Variants in SAMD4B observed in about 807,000 individuals in gnomAD.
The protein encoded by SAMD4B is sterile alpha motif domain containing 4B, also known as protein Smaug homolog 2.
In SAMD4B, 5 loss-of-function variants were observed where a neutral mutation model predicts 74.5. The ratio of observed to expected loss-of-function variants is 0.07; its 90% CI spans 0.04 to 0.14. SAMD4B has a LOEUF of 0.14. Among genes scored for constraint, SAMD4B ranks in the 10% least tolerant of loss-of-function variants. SAMD4B has a pLI of 1.00. For missense variants in SAMD4B, 608 were observed against 921.8 expected, an observed-to-expected ratio of 0.66 and a Z score of 4.41; for synonymous variants, 373 against 374.9, an observed-to-expected ratio of 1.00 and a Z score of 0.06.
downstream of SAMD4B, chr19:39,388,897 G>C: frequency 6.2e-7 from 1 of 1,611,312 alleles, no homozygotes; most frequent in Non-Finnish European, 8.5e-7. Flanking sequence ...GGTTAGATGG[G>C]AACAGGCACA....
chr19:39,372,855 A>G (rs2077388379), intron 4 of SAMD4B, among the ~76,000 whole-genome samples: 1 of 152,118 alleles, frequency 6.6e-6, no homozygotes, highest in Non-Finnish European at 1.5e-5. Context: ...AGAGTGTGCC[A>G]TGTTCCCCAA....
intron 3 of SAMD4B, among the ~76,000 whole-genome samples, chr19:39,358,571 A>G (rs1451536143): frequency 6.6e-5 from 10 of 151,754 alleles, no homozygotes; most frequent in Admixed American, 5.3e-4. Context: ...CTTAAATTCA[A>G]CATGATATCC....
intron 1 of SAMD4B, among the ~76,000 whole-genome samples, chr19:39,344,517 A>G (rs1048732047): frequency 5.9e-5 from 9 of 152,078 alleles, no homozygotes; most frequent in Non-Finnish European, 8.8e-5. Flanking sequence ...ACTTCCTCAG[A>G]ACTTTCCCTC....
intron 1 of SAMD4B, among the ~76,000 whole-genome samples, chr19:39,347,672 GAC>G (rs1212176075): frequency 6.6e-6 from 1 of 152,222 alleles, no homozygotes; most frequent in African/African-American, 2.4e-5. Context: ...AGGTTTCCAA[GAC>G]ACAGAACTTT....
downstream of SAMD4B, chr19:39,389,223 AG>A (rs1274735864): frequency 6.2e-7 from 1 of 1,610,160 alleles, no homozygotes; most frequent in African/African-American, 1.3e-5. This position sits in a 1 kb window ranked among gnomAD's most constrained non-coding sequence, Gnocchi z 5.3. Flanking sequence ...AAAGGTCCTT[AG>A]GGGCCACTGG....
At position 39,342,434 on chromosome 19, in the gene SAMD4B, G is replaced by T; in HGVS notation, c.-409G>T. 2 of 177,334 alleles carry T rather than the reference G, an allele frequency of 1.1e-5. No individual in the cohort carries two copies. Among genetic ancestry groups the T allele is most frequent in the South Asian group, 1.7e-4 (1 of 5,954 alleles). The allele number at this position is 177,334 out of a possible 1,614,324, so 11.0% of individuals were successfully genotyped here. ...GGGCGGTGACGCACGGCGCGGTGAC[G>T]CAGCGCGACGGCGGCGGCGGCGGCG... On this transcript the variant is annotated 5_prime_UTR_variant, in exon 1 of 14. Coordinates refer to ENST00000610417, the MANE Select transcript of SAMD4B (RefSeq NM_001384574.2).
Position 39,375,628 on chromosome 19 carries a change from G to T in SAMD4B, c.668-22G>T. The T allele has an allele frequency of 6.3e-7, 1 of 1,590,954 alleles. No homozygotes were observed. Among genetic ancestry groups the T allele is most frequent in the Non-Finnish European group, 8.6e-7 (1 of 1,161,330 alleles). Reference sequence around the variant, plus strand: ...GTTGGGTCCCCAGGTCTAATATTTTGCTTTTCTCCCACTCTGGCCAGGTCT... The same window carrying T: ...GTTGGGTCCCCAGGTCTAATATTTTTCTTTTCTCCCACTCTGGCCAGGTCT... On this transcript the variant is annotated intron_variant, in intron 4 of 13. Coordinates refer to ENST00000610417, the MANE Select transcript of SAMD4B (RefSeq NM_001384574.2). This position sits in a 1 kb window ranked among gnomAD's most constrained non-coding sequence, Gnocchi z 4.1.
intron 1 of SAMD4B, among the ~76,000 whole-genome samples, chr19:39,349,180 A>C (rs766950775): frequency 2.6e-5 from 4 of 152,156 alleles, no homozygotes; most frequent in Non-Finnish European, 4.4e-5. Flanking sequence ...ATCAAGACCT[A>C]ATGACTGGGT....
downstream of SAMD4B, chr19:39,389,824 C>G (rs1245132366): frequency 6.2e-7 from 1 of 1,607,350 alleles, no homozygotes; most frequent in East Asian, 2.2e-5. This position sits in a 1 kb window ranked among gnomAD's most constrained non-coding sequence, Gnocchi z 5.3. Context: ...AGCCCTGCTT[C>G]CCAGAGGCGG....
chr19:39,347,676 C>T (rs1283266036), intron 1 of SAMD4B, among the ~76,000 whole-genome samples: 1 of 152,166 alleles, frequency 6.6e-6, no homozygotes, highest in Non-Finnish European at 1.5e-5. Context: ...TTCCAAGACA[C>T]AGAACTTTGG....
At chr19:39,390,429 A>G (rs1254338927), downstream of SAMD4B, 5 of 762,536 alleles carry the variant, frequency 6.6e-6, no homozygotes, top group Non-Finnish European at 1.1e-5. Context: ...GAGTGTCCAA[A>G]TGCTTTAATG....
intron 3 of SAMD4B, among the ~76,000 whole-genome samples, chr19:39,364,502 A>G (rs150326993): frequency 5.3e-4 from 81 of 152,378 alleles, no homozygotes; most frequent in Non-Finnish European, 1.0e-3. Context: ...AGGAGGAAGC[A>G]TACTGCCCAG....
intron 3 of SAMD4B, among the ~76,000 whole-genome samples, chr19:39,361,765 T>C (rs1406872437): frequency 6.8e-6 from 1 of 147,736 alleles, no homozygotes; most frequent in African/African-American, 2.5e-5. Flanking sequence ...CTACTAAAAA[T>C]ACAAAAAAAT....
intron 6 of SAMD4B, 69 bp from the exon 7 acceptor site, chr19:39,376,636 T>C: frequency 6.3e-7 from 1 of 1,588,390 alleles, no homozygotes; most frequent in East Asian, 2.2e-5. Flanking sequence ...CCTTGATCTC[T>C]ATTTGGGTAC....
intron 3 of SAMD4B, among the ~76,000 whole-genome samples, chr19:39,364,949 T>A (rs950384832): frequency 1.3e-5 from 2 of 152,004 alleles, no homozygotes; most frequent in African/African-American, 2.4e-5. Context: ...GGGTAAAAAG[T>A]TCCCCCCTGG....
chr19:39,371,983 G>A (rs771250686), intron 4 of SAMD4B, among the ~76,000 whole-genome samples: 4 of 152,094 alleles, frequency 2.6e-5, no homozygotes, highest in Non-Finnish European at 5.9e-5. Flanking sequence ...ACCTCTCCTG[G>A]AGATGCTCAT....
At position 39,378,740 on chromosome 19, in the gene SAMD4B, T is replaced by C; in HGVS notation, c.1530+151T>C. ...GGCTAACACAGTGAAACCCAGTCTT[T>C]ACTAAAAATACAAAAAATTAGCCGG... On this transcript the variant is annotated intron_variant, in intron 9 of 13. Coordinates refer to ENST00000610417, the MANE Select transcript of SAMD4B (RefSeq NM_001384574.2). This position sits in a 1 kb window ranked among gnomAD's most constrained non-coding sequence, Gnocchi z 4.4. 1.7e-6 allele frequency: 1 copy of C among 600,018 alleles called. No individual in the cohort carries two copies. 37.2% of individuals were successfully genotyped at this position (600,018 alleles called of 1,614,324 possible). A position where few individuals can be genotyped will look rare whatever the true frequency, so the allele number is the denominator to read the frequency against.
Position 39,375,807 on chromosome 19 carries a change from C to G in SAMD4B, c.825C>G (p.Ser275Arg). 6.2e-7 allele frequency: 1 copy of G among 1,613,934 alleles called. No individual in the cohort carries two copies. The highest frequency in any genetic ancestry group is 8.5e-7 in the Non-Finnish European group (1 of 1,180,042). ...ACGCACCTCTCTCGCCCCAGAGCAG[C>G]GTGGCCTCCTCTGGCAGTGAGCAGA... ...PDHAPLSPQS[S>R]VASSGSEQTE... Residue 275 changes from serine to arginine, a missense_variant, in exon 5 of 14, where the codon AGC becomes AGG. Around this residue, in one of 9 missense-constraint regions of SAMD4B, gnomAD observed 31 missense variants for 43.4 expected, o/e 0.71. Coordinates refer to ENST00000610417, the MANE Select transcript of SAMD4B (RefSeq NM_001384574.2). The surrounding 1 kb of genome is among the most constrained non-coding windows in gnomAD (Gnocchi z 4.1).
chr19:39,375,489 G>C lies in SAMD4B; in HGVS notation c.668-161G>C, dbSNP rs917545478. On this transcript the variant is annotated intron_variant, in intron 4 of 13. Transcript: ENST00000610417. This position sits in a 1 kb window ranked among gnomAD's most constrained non-coding sequence, Gnocchi z 4.1. ...GATGGGTTGGGTGTTGGAGGTAAGA[G>C]AATGAGGTATATCTGGTAGGCAGTT... is the stretch of plus-strand genomic sequence containing the variant. Among the ~76,000 whole-genome samples, 2 of 152,202 alleles carry C rather than the reference G, an allele frequency of 1.3e-5. No individual in the cohort carries two copies. Among genetic ancestry groups the C allele is most frequent in the African/African-American group, 4.8e-5 (2 of 41,456 alleles).
Sources: allele counts gnomAD v4.1 joint callset (sites outside exome capture counted in the v4.1 genomes callset), GRCh38; gene constraint gnomAD v4.1.1; regional missense constraint gnomAD v4.1.1; non-coding constraint Gnocchi (gnomAD v3.1); transcripts MANE v1.5; gene names NCBI Gene and HGNC (gene_info 2026-07-23, HGNC 2026-07-21).